TRIP11: variants seen among roughly 807,000 people sequenced by gnomAD.
The protein encoded by TRIP11 is thyroid hormone receptor interactor 11.
TRIP11 carries 148 observed loss-of-function variants against 223.1 expected under a neutral mutation model. The ratio of observed to expected loss-of-function variants is 0.66; its 90% CI spans 0.58 to 0.76. The LOEUF (loss-of-function observed/expected upper bound fraction) is 0.76, where lower values mean the gene tolerates loss of function less well. Ranked by LOEUF, TRIP11 falls within the 30% of genes least tolerant of loss-of-function variation. The probability of loss-of-function intolerance (pLI) is 0.00; values close to 1 mark genes in which losing one functional copy is unlikely to be tolerated. For missense variants in TRIP11, 2,043 were observed against 2,222.0 expected (o/e 0.92, Z 1.62); for synonymous variants, 762 against 772.6 (o/e 0.99, Z 0.23).
At chr14:92,006,510 T>A in intron 10 of TRIP11, 62 bp from the exon 11 acceptor site, 1 of 1,538,728 alleles carries the variant, frequency 6.5e-7, no homozygotes, top group Non-Finnish European at 8.9e-7. Flanking sequence ...TCAAAGAAAA[T>A]TTTATAAAAT....
At chr14:91,972,925 A>G (rs76615763) in intron 19 of TRIP11, 64 bp from the exon 20 acceptor site, 1 of 1,316,036 alleles carries the variant, frequency 7.6e-7, no homozygotes, top group Non-Finnish European at 1.1e-6. Flanking sequence ...ACAACTAAGG[A>G]AATGTACCAG....
rs201394520 is a variant in TRIP11, at chr14:92,005,619, T to C, written c.2357A>G (p.Asp786Gly). The stretch of plus-strand genomic sequence containing the variant: ...GTCCTTAGTTTCTTTATGGTCAGTA[T>C]CCATTTGTTCAATATTCTTTTTGAG... ...AELKKNIEQM[D>G]TDHKETKDVL... is the part of the protein sequence containing the mutation. Residue 786 changes from aspartate (D) to glycine (G), a missense_variant, in exon 11 of 21, where the codon GAT (aspartate) becomes GGT (glycine). Transcript: ENST00000267622. The C allele has an allele frequency of 5.6e-6, 9 of 1,613,906 alleles. No individual in the cohort carries two copies. The highest frequency in any genetic ancestry group is 7.6e-6 in the Non-Finnish European group (9 of 1,180,032).
At chr14:91,999,726 A>AT (rs1488257119) in intron 12 of TRIP11, among the ~76,000 whole-genome samples, 3 of 151,784 alleles carry the variant, frequency 2.0e-5, no homozygotes, top group Non-Finnish European at 4.4e-5. Context: ...AGCAAATCTC[A>AT]TTTTTTTCAC....
chr14:91,984,299 A>C (rs1292173674), intron 16 of TRIP11, among the ~76,000 whole-genome samples: 1 of 149,752 alleles, frequency 6.7e-6, no homozygotes, highest in Admixed American at 6.6e-5. Flanking sequence ...CAATTTATCC[A>C]ATCATTTTTT....
At position 92,011,069 on chromosome 14, in the gene TRIP11, T is replaced by C. The variant is rs1392581161; in HGVS notation, c.1231A>G (p.Asn411Asp). ...IMRLSSLNQD[N>D]SLAEDNLKLK... is the part of the protein sequence containing the mutation. ...TTCAGATTGTCTTCAGCAAGACTGT[T>C]ATCCTACAAAAATGTTAAAGCAGTG... The change falls in exon 9 of 21, where the codon AAC (asparagine) becomes GAC (aspartate). Residue 411 changes from asparagine to aspartate, a missense_variant. Physicochemically the swap from Asn to Asp is conservative, Grantham distance 23 (BLOSUM62 1). Transcript: ENST00000267622. The C allele has an allele frequency of 6.2e-7, 1 of 1,613,968 alleles. No individual in the cohort carries two copies. Among genetic ancestry groups the C allele is most frequent in the Admixed American group, 1.7e-5 (1 of 60,008 alleles).
chr14:91,988,916 G>A (rs1331112490), intron 15 of TRIP11, among the ~76,000 whole-genome samples: 1 of 152,176 alleles, frequency 6.6e-6, no homozygotes. Flanking sequence ...CTGTCCATCT[G>A]TAAGAGCACC....
In TRIP11 at chr14:91,978,031, G is replaced by C. The variant is rs1021360100; in HGVS notation, c.5261-1842C>G. ...CAGTAAGGAATTTAAACTTGGACGA[G>C]AGAGGGAGAGAGAGAAGGGGAGAGA... On this transcript the variant is annotated intron_variant, in intron 16 of 20. Coordinates refer to ENST00000267622, the MANE Select transcript of TRIP11 (RefSeq NM_004239.4). The surrounding 1 kb of genome is among the most constrained non-coding windows in gnomAD (Gnocchi z 4.4). Among the ~76,000 whole-genome samples the C allele has an allele frequency of 4.6e-5, 7 of 152,102 alleles. No homozygotes were observed. The highest frequency in any genetic ancestry group is 8.8e-5 in the Non-Finnish European group (6 of 68,022).
In TRIP11 at chr14:92,024,004, C is replaced by T. The variant is rs1459168103; in HGVS notation, c.312+1306G>A. Among the ~76,000 whole-genome samples, 14 of 151,528 alleles carry T rather than the reference C, an allele frequency of 9.2e-5. No homozygotes were observed. In the East Asian group the frequency reaches 1.6e-3, roughly 17 times the overall value. On this transcript the variant is annotated intron_variant, in intron 3 of 20. Coordinates refer to ENST00000267622, the MANE Select transcript of TRIP11 (RefSeq NM_004239.4). ...CCAAGTAGCTGAGACTATAGGCATA[C>T]GCCACCACGTCCGGCTAATTTTTGT... is the stretch of plus-strand genomic sequence containing the variant.
intron 14 of TRIP11, among the ~76,000 whole-genome samples, 197 bp downstream of exon 14, chr14:91,995,155 C>T (rs2056733548): frequency 6.6e-6 from 1 of 152,126 alleles, no homozygotes; most frequent in African/African-American, 2.4e-5. Flanking sequence ...TTAATAATTA[C>T]TAAATAAAGT....
intron 2 of TRIP11, among the ~76,000 whole-genome samples, chr14:92,028,625 G>T (rs2057219791): frequency 6.6e-6 from 1 of 152,114 alleles, no homozygotes; most frequent in African/African-American, 2.4e-5. Flanking sequence ...CATAAAATAT[G>T]AAAAGAGTTG....
At chr14:92,031,725 A>C (rs1478836506) in intron 2 of TRIP11, among the ~76,000 whole-genome samples, 1 of 152,264 alleles carries the variant, frequency 6.6e-6, no homozygotes, top group East Asian at 1.9e-4. Context: ...CTGAATTCAA[A>C]GAACATTGCT....
intron 8 of TRIP11, 36 bp from the exon 9 acceptor site, chr14:92,011,108 A>G: frequency 6.3e-7 from 1 of 1,590,862 alleles, no homozygotes; most frequent in Non-Finnish European, 8.6e-7. Flanking sequence ...TCAGGTAACA[A>G]GAAATTTCCA....
chr14:92,016,297 C>T (rs768649248), intron 5 of TRIP11, among the ~76,000 whole-genome samples: 63 of 152,230 alleles, frequency 4.1e-4, no homozygotes, highest in Non-Finnish European at 6.8e-4. Flanking sequence ...GTCAACCTGG[C>T]GCCTTCCTAC....
At chr14:92,021,086 A>AG (rs55999567) in intron 4 of TRIP11, among the ~76,000 whole-genome samples, 1 of 147,834 alleles carries the variant, frequency 6.8e-6, no homozygotes, top group Non-Finnish European at 1.5e-5. Flanking sequence ...AAAAAAAAAA[A>AG]GAAAGAAAGA....
At chr14:92,017,336 G>C (rs1566867629) in intron 5 of TRIP11, among the ~76,000 whole-genome samples, 1 of 152,172 alleles carries the variant, frequency 6.6e-6, no homozygotes, top group Non-Finnish European at 1.5e-5. Flanking sequence ...GAGGCTAGAA[G>C]TTCCAGACCA....
intron 2 of TRIP11, chr14:92,026,607 C>A: frequency 1.6e-6 from 2 of 1,260,084 alleles, no homozygotes; most frequent in Non-Finnish European, 2.3e-6. Flanking sequence ...AAATCACCAC[C>A]AAGGACTTAA....
intron 16 of TRIP11, among the ~76,000 whole-genome samples, chr14:91,984,325 T>TC (rs2056579509): frequency 6.6e-6 from 1 of 150,764 alleles, no homozygotes; most frequent in African/African-American, 2.4e-5. Context: ...TTCTTTTTTT[T>TC]TTTTTTTTGG....
intron 2 of TRIP11, among the ~76,000 whole-genome samples, chr14:92,028,156 T>C (rs1298615045): frequency 6.6e-6 from 1 of 152,220 alleles, no homozygotes; most frequent in Non-Finnish European, 1.5e-5. Flanking sequence ...CAAAAATACC[T>C]AAGGTTATTT....
rs575240351 is a variant in TRIP11 at position 92,037,957 on chromosome 14, C to T, written c.139+1590G>A. ...TGTTTTTAGAAAGTAACTGACAATA[C>T]AATAGAAAATGGACTGGGGTAGGGA... On this transcript the variant is annotated intron_variant, in intron 1 of 20. Coordinates refer to ENST00000267622, the MANE Select transcript of TRIP11 (RefSeq NM_004239.4). This position sits in a 1 kb window ranked among gnomAD's most constrained non-coding sequence, Gnocchi z 4.2. Among the ~76,000 whole-genome samples, 2 of 152,072 alleles carry T rather than the reference C, an allele frequency of 1.3e-5. No individual in the cohort carries two copies. Among genetic ancestry groups the T allele is most frequent in the Non-Finnish European group, 2.9e-5 (2 of 68,008 alleles).
Sources: gnomAD v4.1 joint callset for allele counts (sites outside exome capture counted in the v4.1 genomes callset) on GRCh38, gnomAD v4.1.1 for gene constraint, Gnocchi (gnomAD v3.1) non-coding constraint, MANE v1.5 for transcripts, NCBI Gene and HGNC (gene_info 2026-07-23, HGNC 2026-07-21) for gene names.